Variants in BEND3 observed in about 807,000 individuals in gnomAD.
BEND3 encodes the protein BEN domain containing 3, also known as BEN domain-containing protein 3.
A neutral mutation model predicts 60.1 loss-of-function variants in BEND3; 13 were observed. The observed-to-expected ratio is 0.22, with a 90% CI of 0.14 to 0.34. The LOEUF is 0.34. BEND3 is among the 10% of genes least tolerant of loss of function. The pLI, the probability that BEND3 is intolerant of heterozygous loss-of-function variation, is 1.00. For synonymous variants in BEND3, 497 were observed against 491.5 expected (o/e 1.01, Z -0.15); for missense variants, 896 against 1,138.1 (o/e 0.79, Z 3.06).
At chr6:107,074,609 T>A (rs556297839) in intron 3 of BEND3, among the ~76,000 whole-genome samples, 1 of 152,252 alleles carries the variant, frequency 6.6e-6, no homozygotes, top group East Asian at 1.9e-4. Context: ...CTTAGAGGTC[T>A]GTTTGTCCTA....
At chr6:107,092,370 G>T (rs1554235368) in intron 3 of BEND3, among the ~76,000 whole-genome samples, 1 of 152,036 alleles carries the variant, frequency 6.6e-6, no homozygotes, top group Non-Finnish European at 1.5e-5. Flanking sequence ...GGGTAAAGAA[G>T]AAAAATCACA....
At chr6:107,094,970 G>A (rs1170125491) in intron 3 of BEND3, among the ~76,000 whole-genome samples, 1 of 151,834 alleles carries the variant, frequency 6.6e-6, no homozygotes, top group African/African-American at 2.4e-5. Flanking sequence ...ACAGGTGTGT[G>A]CCACCACGCC....
intron 3 of BEND3, among the ~76,000 whole-genome samples, chr6:107,090,286 T>G (rs1174997330): frequency 3.3e-5 from 5 of 151,766 alleles, no homozygotes; most frequent in Non-Finnish European, 5.9e-5. Context: ...GAGGTGGAGG[T>G]CGCACTGAGC....
chr6:107,113,313 T>C (rs1185717707), intron 1 of BEND3, among the ~76,000 whole-genome samples: 2 of 151,340 alleles, frequency 1.3e-5, no homozygotes, highest in Non-Finnish European at 2.9e-5. Context: ...GCACATGGAC[T>C]GTAATCCCAG....
At position 107,100,760 on chromosome 6, in the gene BEND3, A is replaced by C. The variant is rs191368367; in HGVS notation, c.-11-1464T>G. On this transcript the variant is annotated intron_variant, in intron 1 of 3. Transcript: ENST00000369042. ...ATGTACATAAATAGTACAAGATACA[A>C]AGGTAGTAACATTTGGAGAATATAC... Among the ~76,000 whole-genome samples, 135 of 152,366 alleles carry C rather than the reference A, an allele frequency of 8.9e-4. 1 individual carries two copies. Among genetic ancestry groups the C allele is most frequent in the African/African-American group, 3.1e-3 (128 of 41,586 alleles).
At chr6:107,103,719 C>A (rs1582669829) in intron 1 of BEND3, among the ~76,000 whole-genome samples, 1 of 152,138 alleles carries the variant, frequency 6.6e-6, no homozygotes, top group African/African-American at 2.4e-5. Context: ...GAGGCCAAGG[C>A]GGGCGGATCA....
In BEND3 at chr6:107,070,296, G is replaced by T. The variant is rs782152052; in HGVS notation, c.895C>A (p.Leu299Met). The change falls in exon 4 of 4, where the codon CTG becomes ATG. Residue 299 changes from leucine to methionine, a missense_variant. By Grantham distance (15) the Leu-to-Met change is conservative. Transcript: ENST00000369042. This position sits in a 1 kb window ranked among gnomAD's most constrained non-coding sequence, Gnocchi z 6.9. ...SACGFAAKRK[L>M]ESLHLQLIRN... is the part of the protein sequence containing the mutation. ...ATGAGCTGCAGGTGCAGCGACTCCA[G>T]CTTGCGCTTGGCCGCAAAGCCACAG... 2 of 1,613,076 alleles carry T rather than the reference G, an allele frequency of 1.2e-6. No homozygotes were observed. Among genetic ancestry groups the T allele is most frequent in the Non-Finnish European group, 1.7e-6 (2 of 1,180,024 alleles).
Position 107,115,274 on chromosome 6 carries a change from C to T in BEND3, c.-196G>A, listed in dbSNP as rs1383206311. 7.4e-5 allele frequency: 11 copies of T among 149,642 alleles called. No individual in the cohort carries two copies. Among genetic ancestry groups the T allele is most frequent in the South Asian group, 3.8e-4 (2 of 5,242 alleles). The allele number at this position is 149,642 out of a possible 1,614,324, so 9.3% of individuals were successfully genotyped here. ...TATTTTCCCCTCTCTTTGTGTGTGT[C>T]CGTGCGCTGCGCTCTCGCGTGACGT... On this transcript the variant is annotated 5_prime_UTR_variant, in exon 1 of 4. Transcript: ENST00000369042.
rs782669876 is a variant in BEND3, at chr6:107,073,201, GTATATATATATATATATATATATA to G, written c.241-2275_241-2252del. Among the ~76,000 whole-genome samples the G allele has an allele frequency of 5.6e-3, 126 of 22,634 alleles. 2 individuals are homozygous for G. Among genetic ancestry groups the G allele is most frequent in the Non-Finnish European group, 6.3e-3 (67 of 10,570 alleles). The allele number at this position is 22,634 out of a possible 152,430, so 14.8% of individuals were successfully genotyped here. On this transcript the variant is annotated intron_variant, in intron 3 of 3. Transcript: ENST00000369042. ...CTTCCTTCAGGGTTTGTATGTGTAT[GTATATATATATATATATATATATA>G]TATATATATATATATATATATATAT...
chr6:107,099,001 G>T (rs917650309), intron 2 of BEND3, among the ~76,000 whole-genome samples: 2 of 152,052 alleles, frequency 1.3e-5, no homozygotes, highest in Non-Finnish European at 2.9e-5. Context: ...TTTTTGGGGG[G>T]GAAGACAGTG....
Position 107,068,586 on chromosome 6 carries a change from C to A in BEND3, c.*118G>T, listed in dbSNP as rs1421742630. On this transcript the variant is annotated 3_prime_UTR_variant, in exon 4 of 4. Transcript: ENST00000369042. The surrounding 1 kb of genome is among the most constrained non-coding windows in gnomAD (Gnocchi z 5.8). Reference sequence around the variant, plus strand: ...TGCAAATGTAGTAAGCCACTCCCCACGGACATAAGGTGCCTGTCTGTGGAT... The same window carrying A: ...TGCAAATGTAGTAAGCCACTCCCCAAGGACATAAGGTGCCTGTCTGTGGAT... 3.5e-6 allele frequency: 4 copies of A among 1,149,586 alleles called. No individual in the cohort carries two copies. The highest frequency in any genetic ancestry group is 4.9e-6 in the Non-Finnish European group (4 of 823,256). The allele number at this position is 1,149,586 out of a possible 1,614,324, so 71.2% of individuals were successfully genotyped here.
chr6:107,082,704 C>A (rs886743248), intron 3 of BEND3, among the ~76,000 whole-genome samples: 3 of 152,198 alleles, frequency 2.0e-5, no homozygotes, highest in Non-Finnish European at 4.4e-5. Flanking sequence ...GCTGGGATTA[C>A]AGGCGTGAGC....
At chr6:107,093,523 T>C (rs1444387149) in intron 3 of BEND3, among the ~76,000 whole-genome samples, 1 of 150,922 alleles carries the variant, frequency 6.6e-6, no homozygotes, top group Non-Finnish European at 1.5e-5. Context: ...ACATTTACCA[T>C]AAAGCTACAG....
intron 1 of BEND3, among the ~76,000 whole-genome samples, chr6:107,111,965 G>C (rs1471476222): frequency 6.8e-6 from 1 of 146,434 alleles, no homozygotes; most frequent in Non-Finnish European, 1.5e-5. Flanking sequence ...CTGGGCACCA[G>C]AGTGAGACTC....
chr6:107,102,746 G>A (rs371705755), intron 1 of BEND3, among the ~76,000 whole-genome samples: 162 of 152,306 alleles, frequency 1.1e-3, no homozygotes, highest in Non-Finnish European at 1.8e-3. Flanking sequence ...CCTGGCTTGC[G>A]CAGTGGGGAG....
chr6:107,070,625 T>C lies in BEND3; in HGVS notation c.566A>G (p.Asp189Gly), dbSNP rs782004208. ...CGSTGAGTDN[D>G]PNIYFLIQKM... ...CTGGATCAGGAAGTAGATGTTGGGGTCGTTGTCAGTGCCTGCCCCGGTGCT... is the reference window on the plus strand; with the variant it reads ...CTGGATCAGGAAGTAGATGTTGGGGCCGTTGTCAGTGCCTGCCCCGGTGCT... Residue 189 changes from aspartate to glycine, a missense_variant, in exon 4 of 4, where the codon GAC becomes GGC. Physicochemically the swap from Asp to Gly is moderately conservative, Grantham distance 94. Transcript: ENST00000369042. The surrounding 1 kb of genome is among the most constrained non-coding windows in gnomAD (Gnocchi z 6.9). 3 of 1,612,108 alleles carry C rather than the reference T, an allele frequency of 1.9e-6. No individual in the cohort carries two copies. In the South Asian group the frequency reaches 3.3e-5, roughly 18 times the overall value.
chr6:107,087,118 G>A (rs187964663), intron 3 of BEND3, among the ~76,000 whole-genome samples: 1 of 151,776 alleles, frequency 6.6e-6, no homozygotes, highest in East Asian at 1.9e-4. Flanking sequence ...GACCACTTGA[G>A]GTCAGGAATT....
intron 1 of BEND3, among the ~76,000 whole-genome samples, chr6:107,103,072 A>G (rs1554236901): frequency 6.6e-6 from 1 of 152,190 alleles, no homozygotes; most frequent in African/African-American, 2.4e-5. Flanking sequence ...CAGCACCAGG[A>G]AACCACATCT....
intron 3 of BEND3, among the ~76,000 whole-genome samples, chr6:107,089,610 T>TCGAGACAGAG: frequency 6.8e-6 from 1 of 145,990 alleles, no homozygotes; most frequent in Non-Finnish European, 1.5e-5. Context: ...ATTTTTTTTT[T>TCGAGACAGAG]TCGAGACAGA....
Sources: gnomAD v4.1 joint callset for allele counts (sites outside exome capture counted in the v4.1 genomes callset) on GRCh38, gnomAD v4.1.1 for gene constraint, Gnocchi (gnomAD v3.1) non-coding constraint, MANE v1.5 for transcripts, NCBI Gene and HGNC (gene_info 2026-07-23, HGNC 2026-07-21) for gene names.